Variants in NFATC1 observed in about 807,000 individuals in gnomAD.
NFATC1 encodes nuclear factor of activated T cells 1, also known as nuclear factor of activated T-cells, cytoplasmic 1.
Under a neutral mutation model 76.0 loss-of-function variants are expected in NFATC1, and 22 were observed. The ratio of observed to expected loss-of-function variants is 0.29; its 90% CI spans 0.21 to 0.41. The LOEUF is 0.41. Ranked by LOEUF, NFATC1 falls within the 10% of genes least tolerant of loss-of-function variation. The pLI is 1.00. For missense variants in NFATC1, 1,357 were observed against 1,337.7 expected, an observed-to-expected ratio of 1.01 and a Z score of -0.23; for synonymous variants, 704 against 613.1, an observed-to-expected ratio of 1.15 and a Z score of -2.19.
At position 79,410,155 on chromosome 18, in the gene NFATC1, C is replaced by T; in HGVS notation, c.128-248C>T. The T allele has an allele frequency of 1.3e-6, 1 of 759,186 alleles. No homozygotes were observed. Among genetic ancestry groups the T allele is most frequent in the South Asian group, 1.4e-5 (1 of 72,994 alleles). The allele number at this position is 759,186 out of a possible 1,614,324, so 47.0% of individuals were successfully genotyped here. ...GAAGGACGTTCGGGGGCTTGTGCTG[C>T]TGTTAGGGGAGGAGGGGAGGTGGGC... is the stretch of plus-strand genomic sequence containing the variant. On this transcript the variant is annotated intron_variant, in intron 1 of 9. Coordinates refer to ENST00000427363, the MANE Select transcript of NFATC1 (RefSeq NM_001278669.2). This position sits in a 1 kb window ranked among gnomAD's most constrained non-coding sequence, Gnocchi z 6.7.
At chr18:79,451,434 G>A (rs2087468805) in intron 5 of NFATC1, among the ~76,000 whole-genome samples, 1 of 152,272 alleles carries the variant, frequency 6.6e-6, no homozygotes, top group South Asian at 2.1e-4. Context: ...TGATTTGAGT[G>A]AAATTGGCTG....
At chr18:79,469,523 G>A (rs947688609) in intron 8 of NFATC1, 37 of 985,802 alleles carry the variant, frequency 3.8e-5, no homozygotes, top group African/African-American at 2.4e-4. Flanking sequence ...CCTGGCAGCC[G>A]GCCGTCCTGT....
At chr18:79,408,360 C>G (rs1388898707) in intron 1 of NFATC1, among the ~76,000 whole-genome samples, 1 of 152,202 alleles carries the variant, frequency 6.6e-6, no homozygotes, top group African/African-American at 2.4e-5. Context: ...GGCATGTAAT[C>G]ATGAGGTTCC....
chr18:79,470,021 G>A (rs2088711049), intron 8 of NFATC1: 1 of 985,256 alleles, frequency 1.0e-6, no homozygotes, highest in African/African-American at 1.7e-5. Flanking sequence ...CAGCACCCAG[G>A]TATCCGTGTT....
chr18:79,436,075 T>A (rs771110694), intron 3 of NFATC1, among the ~76,000 whole-genome samples: 63 of 152,316 alleles, frequency 4.1e-4, no homozygotes, highest in South Asian at 1.9e-3. Flanking sequence ...AAAAATAGAA[T>A]TTGTGCATAA....
intron 8 of NFATC1, 50 bp from the exon 9 acceptor site, chr18:79,486,198 A>G (rs1209540180): frequency 6.5e-7 from 1 of 1,535,876 alleles, no homozygotes; most frequent in African/African-American, 1.4e-5. Context: ...CTGCCTGATC[A>G]CACTCATTCG....
At position 79,433,475 on chromosome 18, in the gene NFATC1, C is replaced by T. The variant is rs2086666833; in HGVS notation, c.1227-104C>T. 9 of 1,364,112 alleles carry T rather than the reference C, an allele frequency of 6.6e-6. No homozygotes were observed. The East Asian group carries it at 9.2e-5, about 14-fold the overall frequency. The allele number at this position is 1,364,112 out of a possible 1,614,324, so 84.5% of individuals were successfully genotyped here. ...TCTCCATGTCAGGACGTGCACTCGC[C>T]GATGAAGTGTCCACCCAAGATGGCG... On this transcript the variant is annotated intron_variant, in intron 2 of 9. Transcript: ENST00000427363.
chr18:79,406,957 C>T (rs1246259386), intron 1 of NFATC1, among the ~76,000 whole-genome samples: 1 of 152,170 alleles, frequency 6.6e-6, no homozygotes, highest in African/African-American at 2.4e-5. Flanking sequence ...GGCGACCTGC[C>T]TGTGTGGCCT....
intron 9 of NFATC1, among the ~76,000 whole-genome samples, chr18:79,519,153 C>T (rs1050639146): frequency 1.3e-5 from 2 of 152,138 alleles, no homozygotes; most frequent in African/African-American, 4.8e-5. Context: ...GCAGGCTGCT[C>T]ACAGATCTCC....
At chr18:79,513,015 C>T (rs577024609) in intron 9 of NFATC1, among the ~76,000 whole-genome samples, 2 of 152,352 alleles carry the variant, frequency 1.3e-5, no homozygotes, top group African/African-American at 2.4e-5. Context: ...CAGAGAATTT[C>T]GCTAGAGACG....
chr18:79,428,114 G>A (rs540887596), intron 2 of NFATC1, among the ~76,000 whole-genome samples: 3 of 150,862 alleles, frequency 2.0e-5, no homozygotes, highest in Non-Finnish European at 3.0e-5. Flanking sequence ...TGGGTTGGGG[G>A]GGCCTGGACG....
At chr18:79,456,652 C>G (rs545704807) in intron 6 of NFATC1, among the ~76,000 whole-genome samples, 6 of 152,354 alleles carry the variant, frequency 3.9e-5, no homozygotes, top group African/African-American at 1.4e-4. Context: ...CCCTTGCTGT[C>G]CCTCCTCTGT....
At chr18:79,400,701 C>A (rs1230802971) in intron 1 of NFATC1, among the ~76,000 whole-genome samples, 1 of 151,392 alleles carries the variant, frequency 6.6e-6, no homozygotes, top group Non-Finnish European at 1.5e-5. Flanking sequence ...GAGCGCAGCC[C>A]GGACACGGGC....
intron 2 of NFATC1, chr18:79,421,391 G>C (rs28515572): frequency 0.32 from 48,571 of 152,200 alleles, 10,142 homozygotes; most frequent in African/African-American, 0.59. Context: ...TCCAGAGACC[G>C]GGCCGTCCGT....
At chr18:79,511,330 T>A (rs2090247726) in intron 9 of NFATC1, among the ~76,000 whole-genome samples, 1 of 152,112 alleles carries the variant, frequency 6.6e-6, no homozygotes, top group Admixed American at 6.5e-5. Context: ...TGCTTCCGCG[T>A]TGGGAGTTTG....
In NFATC1 at chr18:79,528,312, A is replaced by G. The variant is rs560597646; in HGVS notation, c.*735A>G. On this transcript the variant is annotated 3_prime_UTR_variant, in exon 10 of 10. Coordinates refer to ENST00000427363, the MANE Select transcript of NFATC1 (RefSeq NM_001278669.2). Reference sequence around the variant, plus strand: ...CACAAGTAACTTGAATAGCACATCAATAGGTTACTGGACAAAAGCAGAAAA... The same window carrying G: ...CACAAGTAACTTGAATAGCACATCAGTAGGTTACTGGACAAAAGCAGAAAA... The G allele has an allele frequency of 4.2e-4, 73 of 175,166 alleles. 2 individuals carry two copies. The South Asian group carries it at 5.6e-3, about 13-fold the overall frequency. The allele number at this position is 175,166 out of a possible 1,614,324, so 10.9% of individuals were successfully genotyped here. A position where few individuals can be genotyped will look rare whatever the true frequency, so the allele number is the denominator to read the frequency against.
At chr18:79,424,645 C>CTCCGTCTGTCTCTCTG (rs2086224092) in intron 2 of NFATC1, among the ~76,000 whole-genome samples, 2 of 151,640 alleles carry the variant, frequency 1.3e-5, no homozygotes, top group African/African-American at 4.9e-5. Context: ...CTCTCTGTCT[C>CTCCGTCTGTCTCTCTG]TCTTTCCGTC....
intron 2 of NFATC1, among the ~76,000 whole-genome samples, chr18:79,431,875 G>T (rs2144655141): frequency 6.6e-6 from 1 of 152,226 alleles, no homozygotes; most frequent in East Asian, 1.9e-4. Flanking sequence ...GCTAATTTTT[G>T]TATTTTTAGT....
At chr18:79,493,975 A>G (rs1029976558) in intron 9 of NFATC1, among the ~76,000 whole-genome samples, 1 of 152,090 alleles carries the variant, frequency 6.6e-6, no homozygotes, top group Admixed American at 6.5e-5. Context: ...CAGCTCCCCA[A>G]CGCCAAGAGC....
Sources: gnomAD v4.1 joint callset for allele counts (sites outside exome capture counted in the v4.1 genomes callset) on GRCh38, gnomAD v4.1.1 for gene constraint, Gnocchi (gnomAD v3.1) non-coding constraint, MANE v1.5 for transcripts, NCBI Gene and HGNC (gene_info 2026-07-23, HGNC 2026-07-21) for gene names.